TRIM37: variants seen among roughly 807,000 people sequenced by gnomAD.
TRIM37 encodes tripartite motif containing 37.
Under a neutral mutation model 129.8 loss-of-function variants are expected in TRIM37, and 80 were observed. That is an observed-to-expected ratio of 0.62 (90% CI 0.51 to 0.74). The LOEUF (loss-of-function observed/expected upper bound fraction) is 0.74. Ranked by LOEUF, TRIM37 falls within the 30% of genes least tolerant of loss-of-function variation. TRIM37 has a pLI of 0.00. For synonymous variants in TRIM37, 389 were observed against 387.1 expected (o/e 1.00, Z -0.06); for missense variants, 1,054 against 1,176.5 (o/e 0.90, Z 1.52).
At chr17:58,989,076 T>C (rs904266554) in intron 24 of TRIM37, among the ~76,000 whole-genome samples, 2 of 152,154 alleles carry the variant, frequency 1.3e-5, no homozygotes, top group Non-Finnish European at 2.9e-5. Context: ...ACAAAATATA[T>C]AGAGTCATAT....
chr17:59,087,296 T>C (rs2043845933), intron 4 of TRIM37, among the ~76,000 whole-genome samples: 1 of 151,966 alleles, frequency 6.6e-6, no homozygotes, highest in Non-Finnish European at 1.5e-5. Context: ...GGGTTCTCCA[T>C]GTTGGCCAGG....
downstream of TRIM37, chr17:58,980,246 G>A (rs191241565): frequency 3.7e-6 from 6 of 1,614,086 alleles, no homozygotes; most frequent in East Asian, 1.3e-4. This position sits in a 1 kb window ranked among gnomAD's most constrained non-coding sequence, Gnocchi z 4.7. Flanking sequence ...GAACAAAGCT[G>A]TAAATGTTAG....
At chr17:58,970,596 A>C in the TRIM37 span, among the ~76,000 whole-genome samples, 1 of 152,224 alleles carries the variant, frequency 6.6e-6, no homozygotes, top group African/African-American at 2.4e-5. Context: ...TACAAGCAAT[A>C]ATGGGGCTTA....
chr17:59,063,325 GCC>G (rs1568140287), intron 10 of TRIM37, among the ~76,000 whole-genome samples: 1 of 152,004 alleles, frequency 6.6e-6, no homozygotes, highest in East Asian at 1.9e-4. Flanking sequence ...GATTACAGGC[GCC>G]CACCACCACG....
chr17:59,104,687 C>T (rs371089562), intron 1 of TRIM37, among the ~76,000 whole-genome samples: 1 of 152,126 alleles, frequency 6.6e-6, no homozygotes, highest in African/African-American at 2.4e-5. Context: ...AATCTAGGTA[C>T]AGCCCAAATG....
chr17:59,039,221 C>G (rs1038868284), intron 17 of TRIM37, among the ~76,000 whole-genome samples: 1 of 152,182 alleles, frequency 6.6e-6, no homozygotes, highest in Non-Finnish European at 1.5e-5. Flanking sequence ...CTATAGCCTG[C>G]TGAATCGATT....
intron 17 of TRIM37, among the ~76,000 whole-genome samples, chr17:59,040,257 T>C (rs1396091220): frequency 6.6e-6 from 1 of 152,026 alleles, no homozygotes; most frequent in Non-Finnish European, 1.5e-5. Flanking sequence ...ACCCTCATTC[T>C]GAATCCATGC....
In TRIM37 at chr17:59,047,682, CAT is replaced by C. The variant is rs777317178; in HGVS notation, c.1666_1667del (p.Met556ValfsTer5). ...TEENDIDEETMSGENDVEYNN... is the reference protein window; with the variant it reads ...TEENDIDEETXSGENDVEYNN... ...TTACAGTAGTAAAGTGGGAAACTCA[CAT>C]AGTTTCTTCATCAATATCATTTTCT... On this transcript the variant is annotated frameshift_variant and splice_region_variant, in exon 16 of 24. Transcript: ENST00000262294. LOFTEE classifies it high-confidence loss of function. The C allele has an allele frequency of 1.9e-6, 3 of 1,612,714 alleles. No individual in the cohort carries two copies. Among genetic ancestry groups the C allele is most frequent in the Admixed American group, 1.7e-5 (1 of 59,958 alleles).
chr17:59,066,313 T>C (rs923833261), intron 9 of TRIM37, among the ~76,000 whole-genome samples: 2 of 152,210 alleles, frequency 1.3e-5, no homozygotes, highest in Non-Finnish European at 2.9e-5. Context: ...AAGTACAGAA[T>C]ATCCTCCACA....
intron 16 of TRIM37, among the ~76,000 whole-genome samples, chr17:59,043,002 T>C (rs1050961014): frequency 1.3e-5 from 2 of 151,836 alleles, no homozygotes; most frequent in Non-Finnish European, 2.9e-5. Flanking sequence ...AAACACTACA[T>C]GTAGTGTTAG....
At position 58,998,765 on chromosome 17, in the gene TRIM37, C is replaced by T. The variant is rs1268728845; in HGVS notation, c.*612G>A. 2 of 985,784 alleles carry T rather than the reference C, an allele frequency of 2.0e-6. No homozygotes were observed. The highest frequency in any genetic ancestry group is 1.1e-4 in the East Asian group (1 of 8,842). 61.1% of individuals were successfully genotyped at this position (985,784 alleles called of 1,614,324 possible). On this transcript the variant is annotated 3_prime_UTR_variant, in exon 24 of 24. Transcript: ENST00000262294. ...AATTACATTTGTAGAAGTCACACAA[C>T]AGAAAGATACCATGCGGTTGAACAG...
chr17:58,990,110 T>G (rs949754026), intron 24 of TRIM37, among the ~76,000 whole-genome samples: 1 of 125,010 alleles, frequency 8.0e-6, no homozygotes, highest in Non-Finnish European at 1.6e-5. Context: ...CCCAGGAGGG[T>G]TGAGGCTGCA....
At chr17:59,102,437 T>G (rs961955113) in intron 2 of TRIM37, among the ~76,000 whole-genome samples, 1 of 152,226 alleles carries the variant, frequency 6.6e-6, no homozygotes, top group Admixed American at 6.5e-5. Flanking sequence ...TTAATTTATC[T>G]AGCATCAGTT....
At chr17:59,041,946 GTTGT>G in intron 16 of TRIM37, 48 bp from the exon 17 acceptor site, 2 of 1,420,304 alleles carry the variant, frequency 1.4e-6, no homozygotes, top group Non-Finnish European at 2.0e-6. Flanking sequence ...TACAATAAAC[GTTGT>G]TTTTCACACC....
At chr17:59,033,726 T>TA (rs1302902459) in intron 17 of TRIM37, among the ~76,000 whole-genome samples, 2 of 152,048 alleles carry the variant, frequency 1.3e-5, no homozygotes, top group Non-Finnish European at 2.9e-5. Context: ...AAACTGTTTT[T>TA]ACCTCTTTTC....
intron 4 of TRIM37, among the ~76,000 whole-genome samples, chr17:59,087,458 C>CTTT (rs56956832): frequency 8.4e-5 from 11 of 130,816 alleles, no homozygotes; most frequent in Non-Finnish European, 1.3e-4. Flanking sequence ...AAGCCTCTTT[C>CTTT]TTTTTTTTTT....
chr17:59,001,014 G>C (rs1198433373), intron 23 of TRIM37, among the ~76,000 whole-genome samples: 2 of 152,014 alleles, frequency 1.3e-5, no homozygotes, highest in African/African-American at 2.4e-5. Flanking sequence ...CCAACATGGT[G>C]AAACTCCATC....
intron 17 of TRIM37, among the ~76,000 whole-genome samples, 172 bp from the exon 18 acceptor site, chr17:59,032,262 ACG>A (rs1476978853): frequency 6.6e-6 from 1 of 151,788 alleles, no homozygotes; most frequent in East Asian, 1.9e-4. Flanking sequence ...GCGGTGGCTC[ACG>A]CCTGTAATCC....
intron 8 of TRIM37, among the ~76,000 whole-genome samples, chr17:59,072,306 T>C (rs916709381): frequency 6.6e-6 from 1 of 152,204 alleles, no homozygotes; most frequent in Admixed American, 6.5e-5. Flanking sequence ...TCACAGTCAT[T>C]GGTATTTTGT....
Sources: gnomAD v4.1 joint callset for allele counts (sites outside exome capture counted in the v4.1 genomes callset) on GRCh38, gnomAD v4.1.1 for gene constraint, Gnocchi (gnomAD v3.1) non-coding constraint, MANE v1.5 for transcripts, NCBI Gene and HGNC (gene_info 2026-07-23, HGNC 2026-07-21) for gene names.